Variants in BMP7 observed in about 807,000 individuals in gnomAD.
BMP7 encodes the protein bone morphogenetic protein 7.
BMP7 carries 12 observed loss-of-function variants against 41.2 expected under a neutral mutation model. The ratio of observed to expected loss-of-function variants is 0.29; its 90% CI spans 0.19 to 0.47. The LOEUF is 0.47. BMP7 is among the 20% of genes least tolerant of loss of function. The pLI is 0.99. For synonymous variants in BMP7, 248 were observed against 250.0 expected (o/e 0.99, Z 0.07); for missense variants, 467 against 606.0 (o/e 0.77, Z 2.41).
chr20:57,198,958 G>A (rs903309431), intron 3 of BMP7, among the ~76,000 whole-genome samples: 6 of 152,190 alleles, frequency 3.9e-5, no homozygotes, highest in Non-Finnish European at 7.3e-5. Flanking sequence ...CTCCACCCAC[G>A]CACAGTGTAA....
Position 57,171,677 on chromosome 20 carries a change from G to C in BMP7, c.1147-569C>G, listed in dbSNP as rs1019007455. Among the ~76,000 whole-genome samples the C allele has an allele frequency of 6.6e-6, 1 of 152,194 alleles. No individual in the cohort carries two copies. The highest frequency in any genetic ancestry group is 6.5e-5 in the Admixed American group (1 of 15,278). On this transcript the variant is annotated intron_variant, in intron 6 of 6. Transcript: ENST00000395863. This position sits in a 1 kb window ranked among gnomAD's most constrained non-coding sequence, Gnocchi z 4.5. ...AGATCAGTGTTAGCAGATCTGCCAC[G>C]TGTTCAAGACAGGCCAGAGATTCCA... is the stretch of plus-strand genomic sequence containing the variant.
intron 3 of BMP7, among the ~76,000 whole-genome samples, chr20:57,200,164 A>G (rs1984588924): frequency 6.6e-6 from 1 of 152,186 alleles, no homozygotes; most frequent in African/African-American, 2.4e-5. Flanking sequence ...GCAACCACAC[A>G]CTGAGCAATT....
At chr20:57,175,076 C>T (rs1254319534) in intron 4 of BMP7, 69 bp from the exon 5 acceptor site, 41 of 1,478,338 alleles carry the variant, frequency 2.8e-5, no homozygotes, top group Non-Finnish European at 3.7e-5. Flanking sequence ...ATCAAAGTTC[C>T]CTCCATCTTA....
At position 57,224,834 on chromosome 20, in the gene BMP7, T is replaced by TTTAAGCAGAGCCGCAGGCC. The variant is rs1227790405; in HGVS notation, c.611+3394_611+3395insGGCCTGCGGCTCTGCTTAA. On this transcript the variant is annotated intron_variant, in intron 2 of 6. Coordinates refer to ENST00000395863, the MANE Select transcript of BMP7 (RefSeq NM_001719.3). The surrounding 1 kb of genome is among the most constrained non-coding windows in gnomAD (Gnocchi z 4.8). ...TCTTTCCAGCTGTCTGGGGCCGCGC[T>TTTAAGCAGAGCCGCAGGCC]TTAAGCAGAGCCGCAGGGCTATGGA... 6.6e-6 allele frequency: 1 copy of TTTAAGCAGAGCCGCAGGCC among 152,362 alleles called. No individual in the cohort carries two copies. The highest frequency in any genetic ancestry group is 2.4e-5 in the African/African-American group (1 of 41,472). The allele number at this position is 152,362 out of a possible 1,614,324, so 9.4% of individuals were successfully genotyped here. A position where few individuals can be genotyped will look rare whatever the true frequency, so the allele number is the denominator to read the frequency against.
chr20:57,234,585 A>G (rs1205199298), intron 1 of BMP7, among the ~76,000 whole-genome samples: 2 of 152,230 alleles, frequency 1.3e-5, no homozygotes, highest in Non-Finnish European at 1.5e-5. Context: ...GGCAGTTCTG[A>G]GCAAAACACA....
intron 1 of BMP7, among the ~76,000 whole-genome samples, chr20:57,242,537 C>G (rs965262885): frequency 2.0e-5 from 3 of 152,224 alleles, no homozygotes; most frequent in African/African-American, 7.2e-5. Context: ...TGCTGATACT[C>G]TACCAGTTTT....
intron 1 of BMP7, among the ~76,000 whole-genome samples, chr20:57,264,067 G>C (rs1385647741): frequency 6.6e-6 from 1 of 152,150 alleles, no homozygotes; most frequent in Admixed American, 6.5e-5. Flanking sequence ...TTCTTAACTG[G>C]CTGCTTAGTA....
intron 1 of BMP7, among the ~76,000 whole-genome samples, chr20:57,238,979 G>A (rs2066058806): frequency 1.3e-5 from 2 of 152,044 alleles, no homozygotes; most frequent in Non-Finnish European, 2.9e-5. Context: ...GAGATTTGGT[G>A]GGGACACAGC....
At chr20:57,236,157 G>A (rs569419143) in intron 1 of BMP7, among the ~76,000 whole-genome samples, 6 of 152,208 alleles carry the variant, frequency 3.9e-5, no homozygotes, top group Non-Finnish European at 8.8e-5. Context: ...TCCATCTCTT[G>A]TCAGGACCCC....
At chr20:57,252,067 C>T (rs1452145451) in intron 1 of BMP7, among the ~76,000 whole-genome samples, 1 of 152,228 alleles carries the variant, frequency 6.6e-6, no homozygotes, top group East Asian at 1.9e-4. Flanking sequence ...TTGTAGGCCT[C>T]GGTCACCATC....
intron 3 of BMP7, among the ~76,000 whole-genome samples, chr20:57,185,103 G>A (rs73914108): frequency 0.02 from 3,022 of 152,318 alleles, 91 homozygotes; most frequent in African/African-American, 0.069. Context: ...GAAGCAGGGA[G>A]ACCAGGTGGA....
At chr20:57,263,123 C>T (rs906129342) in intron 1 of BMP7, among the ~76,000 whole-genome samples, 2 of 152,198 alleles carry the variant, frequency 1.3e-5, no homozygotes, top group African/African-American at 4.8e-5. Flanking sequence ...TAACTAATGA[C>T]CTCGAGTTTA....
chr20:57,225,244 G>A (rs1399196494), intron 2 of BMP7, among the ~76,000 whole-genome samples: 4 of 152,152 alleles, frequency 2.6e-5, no homozygotes, highest in Non-Finnish European at 4.4e-5. Context: ...AGGAAGCGTG[G>A]GGGATTTGAA....
At chr20:57,262,977 T>C (rs1400119459) in intron 1 of BMP7, among the ~76,000 whole-genome samples, 1 of 152,088 alleles carries the variant, frequency 6.6e-6, no homozygotes, top group Non-Finnish European at 1.5e-5. Context: ...GTCCCTCCTA[T>C]GGAGAAATTC....
intron 3 of BMP7, among the ~76,000 whole-genome samples, chr20:57,189,142 G>A (rs937947090): frequency 6.6e-6 from 1 of 152,238 alleles, no homozygotes; most frequent in African/African-American, 2.4e-5. Flanking sequence ...TCCTTGAAAT[G>A]TCAAATGCCT....
At chr20:57,192,145 A>T (rs1434224755) in intron 3 of BMP7, among the ~76,000 whole-genome samples, 2 of 125,186 alleles carry the variant, frequency 1.6e-5, no homozygotes, top group African/African-American at 3.2e-5. Context: ...TATTATATAT[A>T]ATATATAGTT....
At chr20:57,200,609 C>G (rs899026844) in intron 3 of BMP7, among the ~76,000 whole-genome samples, 1 of 152,186 alleles carries the variant, frequency 6.6e-6, no homozygotes, top group Non-Finnish European at 1.5e-5. Context: ...TCCCCAACAT[C>G]TACAAGTCCA....
chr20:57,230,750 T>C (rs463318), intron 1 of BMP7, among the ~76,000 whole-genome samples: 85,814 of 149,068 alleles, frequency 0.58, 24,825 homozygotes, highest in Middle Eastern at 0.6. Flanking sequence ...GATCTCGGCT[T>C]ACTACAAGCT....
At chr20:57,239,422 G>A (rs1030192825) in intron 1 of BMP7, among the ~76,000 whole-genome samples, 7 of 152,118 alleles carry the variant, frequency 4.6e-5, no homozygotes, top group South Asian at 2.1e-4. Context: ...TGCAGGGTAC[G>A]GCCTCCCTCC....
Sources: gnomAD v4.1 joint callset for allele counts (sites outside exome capture counted in the v4.1 genomes callset) on GRCh38, gnomAD v4.1.1 for gene constraint, Gnocchi (gnomAD v3.1) non-coding constraint, MANE v1.5 for transcripts, NCBI Gene and HGNC (gene_info 2026-07-23, HGNC 2026-07-21) for gene names.